Variants in CDH12 observed in about 807,000 individuals in gnomAD.
The protein encoded by CDH12 is cadherin-12.
In CDH12, 41 loss-of-function variants were observed where a neutral mutation model predicts 74.1. The ratio of observed to expected loss-of-function variants is 0.55; its 90% CI spans 0.43 to 0.72. The LOEUF is 0.72. Among genes scored for constraint, CDH12 ranks in the 30% least tolerant of loss-of-function variants. The probability of loss-of-function intolerance (pLI) is 0.00; values close to 1 mark genes in which losing one functional copy is unlikely to be tolerated. For synonymous variants in CDH12, 399 were observed against 355.0 expected, an observed-to-expected ratio of 1.12 and a Z score of -1.39; for missense variants, 945 against 977.2, an observed-to-expected ratio of 0.97 and a Z score of 0.44.
chr5:22,784,235 AATGTT>A (rs1257359955), intron 1 of CDH12, among the ~76,000 whole-genome samples: 3 of 152,116 alleles, frequency 2.0e-5, no homozygotes, highest in Non-Finnish European at 4.4e-5. Context: ...CTGTACAAAT[AATGTT>A]ATATCACTAG....
chr5:22,387,718 G>C (rs1180028513), intron 3 of CDH12, among the ~76,000 whole-genome samples: 1 of 152,108 alleles, frequency 6.6e-6, no homozygotes, highest in Non-Finnish European at 1.5e-5. Context: ...GGAGAGATGA[G>C]GATAGGAGAA....
At chr5:22,359,746 C>A (rs1740718167) in intron 3 of CDH12, among the ~76,000 whole-genome samples, 1 of 152,138 alleles carries the variant, frequency 6.6e-6, no homozygotes, top group Non-Finnish European at 1.5e-5. Context: ...GACCACAGTG[C>A]AATCAAACTA....
intron 1 of CDH12, among the ~76,000 whole-genome samples, chr5:22,739,671 T>G (rs1744921877): frequency 2.6e-5 from 4 of 152,068 alleles, no homozygotes; most frequent in Admixed American, 2.6e-4. Context: ...AAGTTATTTA[T>G]TATGCATAAC....
chr5:22,330,446 A>T (rs1224988399), intron 3 of CDH12, among the ~76,000 whole-genome samples: 1 of 151,664 alleles, frequency 6.6e-6, no homozygotes, highest in East Asian at 2.0e-4. Flanking sequence ...ATGGTGAAAG[A>T]CTCCCTATAT....
At chr5:22,721,053 A>T (rs900580888) in intron 1 of CDH12, among the ~76,000 whole-genome samples, 9 of 152,222 alleles carry the variant, frequency 5.9e-5, no homozygotes, top group African/African-American at 2.2e-4. Context: ...AGCCAAGACA[A>T]TGGGGAAAAT....
chr5:22,284,100 A>C, intron 3 of CDH12, among the ~76,000 whole-genome samples: 1 of 152,194 alleles, frequency 6.6e-6, no homozygotes, highest in East Asian at 1.9e-4. Flanking sequence ...TTTTTCAAAT[A>C]AAAACCTCGA....
rs571930670 is a variant in CDH12, at chr5:21,883,398, C to G, written c.527-28608G>C. 1.1e-3 allele frequency: 1,664 copies of G among 1,557,494 alleles called. 1 individual carries two copies. Among genetic ancestry groups the G allele is most frequent in the Non-Finnish European group, 1.3e-3 (1,511 of 1,128,474 alleles). Reference sequence around the variant, plus strand: ...TGAAATTGCCAATGCTCACCATAAGCCTTTGGTGATAATCGCTGAAGATGT... The same window carrying G: ...TGAAATTGCCAATGCTCACCATAAGGCTTTGGTGATAATCGCTGAAGATGT... On this transcript the variant is annotated intron_variant, in intron 6 of 14. Coordinates refer to ENST00000382254, the MANE Select transcript of CDH12 (RefSeq NM_004061.5).
At chr5:21,756,063 C>A (rs996628088) in intron 13 of CDH12, among the ~76,000 whole-genome samples, 3 of 152,004 alleles carry the variant, frequency 2.0e-5, no homozygotes, top group African/African-American at 7.2e-5. Context: ...ATTAAATTTT[C>A]TATTCAGAAA....
chr5:22,676,200 T>G (rs1459936229), intron 1 of CDH12, among the ~76,000 whole-genome samples: 1 of 151,800 alleles, frequency 6.6e-6, no homozygotes, highest in Admixed American at 6.6e-5. Flanking sequence ...ATTTGATAAA[T>G]AAGGTAATGC....
intron 1 of CDH12, among the ~76,000 whole-genome samples, chr5:22,526,833 A>T (rs1737307307): frequency 6.6e-6 from 1 of 152,148 alleles, no homozygotes; most frequent in Non-Finnish European, 1.5e-5. Flanking sequence ...TTGGCCTTTT[A>T]TACTATAATA....
chr5:21,894,486 A>G (rs1753036689), intron 6 of CDH12, among the ~76,000 whole-genome samples: 1 of 152,054 alleles, frequency 6.6e-6, no homozygotes, highest in Admixed American at 6.6e-5. Context: ...AGTTATCACG[A>G]GTATCCAAAC....
intron 6 of CDH12, among the ~76,000 whole-genome samples, chr5:21,904,086 A>G (rs1753523533): frequency 6.6e-6 from 1 of 152,146 alleles, no homozygotes; most frequent in African/African-American, 2.4e-5. Flanking sequence ...CTCTTTCTCT[A>G]TTAGGCAATT....
chr5:22,443,827 T>C (rs1744716326), intron 2 of CDH12, among the ~76,000 whole-genome samples: 1 of 152,104 alleles, frequency 6.6e-6, no homozygotes, highest in Non-Finnish European at 1.5e-5. Flanking sequence ...ATAAACAAAC[T>C]TTTTCTTACA....
At chr5:22,509,111 T>C (rs1736504264) in intron 1 of CDH12, among the ~76,000 whole-genome samples, 1 of 152,192 alleles carries the variant, frequency 6.6e-6, no homozygotes. Flanking sequence ...CAGAAATATA[T>C]ACACACAATG....
At chr5:22,771,363 T>G (rs1746796254) in intron 1 of CDH12, among the ~76,000 whole-genome samples, 1 of 152,070 alleles carries the variant, frequency 6.6e-6, no homozygotes, top group South Asian at 2.1e-4. Context: ...AGCATACAAA[T>G]TTTATAGAAG....
chr5:22,342,902 G>A (rs1400082886), intron 3 of CDH12, among the ~76,000 whole-genome samples: 1 of 151,552 alleles, frequency 6.6e-6, no homozygotes, highest in Admixed American at 6.6e-5. Context: ...AGGCTGGATT[G>A]CAGTGGCAGG....
intron 1 of CDH12, among the ~76,000 whole-genome samples, chr5:22,769,164 A>T (rs1210016129): frequency 6.6e-6 from 1 of 152,112 alleles, no homozygotes; most frequent in Non-Finnish European, 1.5e-5. Context: ...GTTTCTGGGT[A>T]TTTCTGTGAT....
At chr5:22,238,181 G>A (rs1752624254) in intron 3 of CDH12, among the ~76,000 whole-genome samples, 1 of 152,170 alleles carries the variant, frequency 6.6e-6, no homozygotes, top group Non-Finnish European at 1.5e-5. Flanking sequence ...GCACAGCACA[G>A]CTATACACCT....
intron 2 of CDH12, among the ~76,000 whole-genome samples, chr5:22,481,938 T>C (rs1746400026): frequency 6.6e-6 from 1 of 152,142 alleles, no homozygotes; most frequent in South Asian, 2.1e-4. Flanking sequence ...ATAAGTTATT[T>C]GTAAAATTAT....
Sources: allele counts gnomAD v4.1 joint callset (sites outside exome capture counted in the v4.1 genomes callset), GRCh38; gene constraint gnomAD v4.1.1; transcripts MANE v1.5; gene names NCBI Gene and HGNC (gene_info 2026-07-23, HGNC 2026-07-21).